NCOA1: variants seen among roughly 807,000 people sequenced by gnomAD.
The protein encoded by NCOA1 is nuclear receptor coactivator 1.
A neutral mutation model predicts 150.9 loss-of-function variants in NCOA1; 35 were observed. The observed-to-expected ratio is 0.23, with a 90% CI of 0.18 to 0.31. The LOEUF is 0.31. Ranked by LOEUF, NCOA1 falls within the 10% of genes least tolerant of loss-of-function variation. NCOA1 has a pLI of 1.00. For missense variants in NCOA1, 1,491 were observed against 1,749.3 expected, an observed-to-expected ratio of 0.85 and a Z score of 2.63; for synonymous variants, 590 against 630.0, an observed-to-expected ratio of 0.94 and a Z score of 0.95.
intron 1 of NCOA1, among the ~76,000 whole-genome samples, chr2:24,501,722 C>CTTACAGA (rs1663471075): frequency 6.6e-6 from 1 of 152,078 alleles, no homozygotes; most frequent in Admixed American, 6.5e-5. Context: ...CCTAGATAGG[C>CTTACAGA]TTTAGGGGAT....
chr2:24,547,340 C>T (rs937084125), intron 1 of NCOA1, among the ~76,000 whole-genome samples: 4 of 152,016 alleles, frequency 2.6e-5, no homozygotes, highest in Non-Finnish European at 5.9e-5. Flanking sequence ...ACTATATATT[C>T]GTCTTGTCAT....
In NCOA1 at chr2:24,762,676, A is replaced by T. The variant is rs776131984; in HGVS notation, c.4066-11A>T. ...TAGCTTGTAATTTGATCTTGTATTT[A>T]TCTTTAATAGATAAATGATCCCGCA... On this transcript the variant is annotated splice_polypyrimidine_tract_variant and intron_variant, in intron 21 of 22. Transcript: ENST00000348332. 1 of 1,610,182 alleles carries T rather than the reference A, an allele frequency of 6.2e-7. No individual in the cohort carries two copies. Among genetic ancestry groups the T allele is most frequent in the Non-Finnish European group, 8.5e-7 (1 of 1,176,984 alleles).
chr2:24,541,422 G>T lies in NCOA1; in HGVS notation c.-395-22873G>T, dbSNP rs79090374. On this transcript the variant is annotated intron_variant, in intron 1 of 22. Transcript: ENST00000348332. ...TGATAACTAAGAGATGACCAAAACA[G>T]GAACAGCTGAACTACCTTCCTCCAG... Among the ~76,000 whole-genome samples, 1,321 of 152,260 alleles carry T rather than the reference G, an allele frequency of 8.7e-3. 23 individuals are homozygous for T. The highest frequency in any genetic ancestry group is 0.03 in the African/African-American group (1,242 of 41,524).
intron 19 of NCOA1, among the ~76,000 whole-genome samples, chr2:24,747,940 C>T (rs1392511972): frequency 6.6e-6 from 1 of 151,892 alleles, no homozygotes; most frequent in Admixed American, 6.5e-5. Context: ...AACCCTGTCT[C>T]TACTAAAAAT....
At chr2:24,623,632 G>C (rs1334727083) in intron 3 of NCOA1, among the ~76,000 whole-genome samples, 1 of 152,182 alleles carries the variant, frequency 6.6e-6, no homozygotes, top group Non-Finnish European at 1.5e-5. Flanking sequence ...CACAGACTGG[G>C]TGGTTTAAAC....
At chr2:24,725,111 T>C (rs1222055530) in intron 14 of NCOA1, among the ~76,000 whole-genome samples, 1 of 152,176 alleles carries the variant, frequency 6.6e-6, no homozygotes. Flanking sequence ...TATTATGTAG[T>C]TAATAATGTT....
intron 11 of NCOA1, among the ~76,000 whole-genome samples, chr2:24,699,479 G>C (rs746503071): frequency 2.0e-5 from 3 of 152,052 alleles, no homozygotes; most frequent in Non-Finnish European, 4.4e-5. Context: ...AAATAATTTA[G>C]AGTAAAATGT....
chr2:24,573,253 C>T (rs984713426), intron 2 of NCOA1, among the ~76,000 whole-genome samples: 3 of 152,068 alleles, frequency 2.0e-5, no homozygotes, highest in Non-Finnish European at 2.9e-5. Flanking sequence ...ATGATTGCTG[C>T]GTATCAAGTG....
rs903600740 is a variant in NCOA1, at chr2:24,732,917, GA to G, written c.3201+3109del. Among the ~76,000 whole-genome samples the G allele has an allele frequency of 2.2e-3, 319 of 144,302 alleles. 2 individuals carry two copies. Among genetic ancestry groups the G allele is most frequent in the African/African-American group, 7.9e-3 (307 of 38,990 alleles). 94.7% of individuals were successfully genotyped at this position (144,302 alleles called of 152,430 possible). A position where few individuals can be genotyped will look rare whatever the true frequency, so the allele number is the denominator to read the frequency against. The stretch of plus-strand genomic sequence containing the variant: ...CCCACCCCATCCCCCGCCAAAAAAA[GA>G]AAAAAAGGAACAAAAAAAAAAAGTA... On this transcript the variant is annotated intron_variant, in intron 17 of 22. Transcript: ENST00000348332.
chr2:24,665,604 T>A, intron 5 of NCOA1, 145 bp from the exon 6 acceptor site: 1 of 657,236 alleles, frequency 1.5e-6, no homozygotes, highest in Non-Finnish European at 2.2e-6. Flanking sequence ...ACTTTTTAGA[T>A]GTGAATTTAT....
intron 3 of NCOA1, among the ~76,000 whole-genome samples, chr2:24,635,051 T>C (rs1363080455): frequency 6.6e-6 from 1 of 152,112 alleles, no homozygotes; most frequent in African/African-American, 2.4e-5. Context: ...GAACTCTGGA[T>C]TGCACAGATG....
intron 6 of NCOA1, among the ~76,000 whole-genome samples, chr2:24,671,678 A>G (rs1398561297): frequency 6.6e-6 from 1 of 152,072 alleles, no homozygotes; most frequent in Non-Finnish European, 1.5e-5. Flanking sequence ...ATTGTACCTC[A>G]GCCTCCTGAG....
intron 1 of NCOA1, among the ~76,000 whole-genome samples, chr2:24,533,934 TATCAGGATG>T (rs1331451056): frequency 2.0e-5 from 3 of 152,240 alleles, no homozygotes; most frequent in Non-Finnish European, 2.9e-5. Flanking sequence ...CAGGCTTTGG[TATCAGGATG>T]ATGCTGGCCT....
chr2:24,727,732 C>G (rs1486511887), intron 15 of NCOA1, among the ~76,000 whole-genome samples: 1 of 152,062 alleles, frequency 6.6e-6, no homozygotes, highest in Admixed American at 6.6e-5. Flanking sequence ...TGTATATTTC[C>G]TACATGTAAT....
At chr2:24,549,417 T>C (rs1665736967) in intron 1 of NCOA1, among the ~76,000 whole-genome samples, 1 of 152,194 alleles carries the variant, frequency 6.6e-6, no homozygotes, top group African/African-American at 2.4e-5. Flanking sequence ...TCTGACATGC[T>C]CTGGAGACAT....
chr2:24,547,286 T>G (rs1024419145), intron 1 of NCOA1, among the ~76,000 whole-genome samples: 10 of 152,338 alleles, frequency 6.6e-5, no homozygotes, highest in African/African-American at 2.2e-4. Context: ...GAAGAGATTT[T>G]GGGATAATGG....
chr2:24,706,595 T>C lies in NCOA1; in HGVS notation c.1125T>C (p.Asp375=). 6.2e-7 allele frequency: 1 copy of C among 1,613,196 alleles called. No homozygotes were observed. Among genetic ancestry groups the C allele is most frequent in the East Asian group, 2.2e-5 (1 of 44,850 alleles). Residue 375 remains aspartate (D), a synonymous_variant, in exon 13 of 23, where the codon GAT becomes GAC. Transcript: ENST00000348332. Reference sequence around the variant, plus strand: ...AGCACAGTGGGCTTTCTCCTCAAGATGACACTAATTCTGGAATGTCAATTC... The same window carrying C: ...AGCACAGTGGGCTTTCTCCTCAAGACGACACTAATTCTGGAATGTCAATTC... ...DREHSGLSPQ[D]DTNSGMSIPR...
At chr2:24,618,581 G>A (rs1668977636) in intron 3 of NCOA1, among the ~76,000 whole-genome samples, 1 of 152,072 alleles carries the variant, frequency 6.6e-6, no homozygotes, top group Admixed American at 6.6e-5. Flanking sequence ...GCAGATTTGG[G>A]GTGAGGAGAG....
chr2:24,766,387 AAAAG>A (rs1665065073), intron 22 of NCOA1, among the ~76,000 whole-genome samples: 3 of 152,186 alleles, frequency 2.0e-5, no homozygotes, highest in Admixed American at 6.5e-5. Flanking sequence ...CACTGCCTAA[AAAAG>A]AACTATATTT....
Sources: gnomAD v4.1 joint callset for allele counts (sites outside exome capture counted in the v4.1 genomes callset) on GRCh38, gnomAD v4.1.1 for gene constraint, MANE v1.5 for transcripts, NCBI Gene and HGNC (gene_info 2026-07-23, HGNC 2026-07-21) for gene names.